Variants in MDN1 observed in about 807,000 individuals in gnomAD.
MDN1 encodes midasin AAA ATPase 1.
MDN1 carries 266 observed loss-of-function variants against 669.2 expected under a neutral mutation model. The observed-to-expected ratio is 0.40, with a 90% CI of 0.36 to 0.44. The LOEUF is 0.44. MDN1 is among the 20% of genes least tolerant of loss of function. The pLI, the probability that MDN1 is intolerant of heterozygous loss-of-function variation, is 1.00. For missense variants in MDN1, 5,940 were observed against 6,754.0 expected (o/e 0.88, Z 4.22); for synonymous variants, 2,385 against 2,457.1 (o/e 0.97, Z 0.87).
Position 89,655,800 on chromosome 6 carries a change from T to C in MDN1, c.15454A>G (p.Lys5152Glu), listed in dbSNP as rs759442541. Residue 5152 changes from lysine (K) to glutamate (E), a missense_variant, in exon 92 of 102, where the codon AAA becomes GAA. By Grantham distance (56) the Lys-to-Glu change is moderately conservative. Transcript: ENST00000369393. Reference protein sequence around the residue: ...VEDADAFEHIKQGSDAYDAQT... With the variant: ...VEDADAFEHIEQGSDAYDAQT... ...GCATCGTATGCGTCACTGCCTTGTT[T>C]AATGTGCTCGAATGCATCTGCATCC... 14 of 1,613,138 alleles carry C rather than the reference T, an allele frequency of 8.7e-6. No individual in the cohort carries two copies. The highest frequency in any genetic ancestry group is 1.2e-5 in the Non-Finnish European group (14 of 1,179,724).
intron 1 of MDN1, among the ~76,000 whole-genome samples, chr6:89,806,299 T>C (rs1768014105): frequency 6.6e-6 from 1 of 152,064 alleles, no homozygotes; most frequent in Admixed American, 6.6e-5. Flanking sequence ...CAAAGAAAAC[T>C]GGTCAGACAT....
rs767527292 is a variant in MDN1 at position 89,692,620 on chromosome 6, G to T, written c.10410C>A (p.Gly3470=). 2 of 1,614,198 alleles carry T rather than the reference G, an allele frequency of 1.2e-6. No homozygotes were observed. Among genetic ancestry groups the T allele is most frequent in the Non-Finnish European group, 1.7e-6 (2 of 1,180,026 alleles). ...CSVKSEEVLR[G]LGKLILKRSG... is the part of the protein sequence containing the mutation. ...AGCGCTTGAGGATTAGCTTCCCAAG[G>T]CCTCGTAGAACCTCCTCAGACTTCA... is the stretch of plus-strand genomic sequence containing the variant. Residue 3470 remains glycine, a synonymous_variant, in exon 63 of 102, where the codon GGC becomes GGA. Coordinates refer to ENST00000369393, the MANE Select transcript of MDN1 (RefSeq NM_014611.3).
chr6:89,657,287 G>T (rs969534101), intron 90 of MDN1, among the ~76,000 whole-genome samples: 9 of 152,202 alleles, frequency 5.9e-5, no homozygotes, highest in African/African-American at 1.2e-4. Flanking sequence ...ATTTGTGGTG[G>T]TGGTAGTCAT....
intron 10 of MDN1, 46 bp downstream of exon 10, chr6:89,781,352 CA>C (rs753221984): frequency 6.2e-3 from 7,871 of 1,273,204 alleles, no homozygotes; most frequent in South Asian, 8.2e-3. Context: ...ATCTGTCTCA[CA>C]AAAAAAAAAG....
intron 50 of MDN1, 101 bp from the exon 51 acceptor site, chr6:89,708,729 T>G (rs922810221): frequency 7.7e-7 from 1 of 1,305,462 alleles, no homozygotes; most frequent in African/African-American, 1.5e-5. Context: ...TTTGAGCACA[T>G]TGAATCATGA....
chr6:89,672,926 C>T (rs1810923225), intron 80 of MDN1, among the ~76,000 whole-genome samples: 1 of 152,128 alleles, frequency 6.6e-6, no homozygotes, highest in African/African-American at 2.4e-5. Flanking sequence ...ATAAAAATAA[C>T]AGTTAAGACA....
chr6:89,693,965 C>G lies in MDN1; in HGVS notation c.9881+109G>C. 6 of 837,124 alleles carry G rather than the reference C, an allele frequency of 7.2e-6. No individual in the cohort carries two copies. In the South Asian group the frequency reaches 9.2e-5, roughly 13 times the overall value. 51.9% of individuals were successfully genotyped at this position (837,124 alleles called of 1,614,324 possible). ...TAAACAATGCTTTGGCATCTAATTG[C>G]TAATGTAGTTTAGAGGTGTATATTA... On this transcript the variant is annotated intron_variant, in intron 62 of 101. Transcript: ENST00000369393.
chr6:89,708,509 A>C lies in MDN1; in HGVS notation c.7885T>G (p.Ser2629Ala). The part of the protein sequence containing the change: ...QPDQLFALLE[S>A]AANKTIIYLD... ...GGTTTCACTTACTTGTTTGCAGCTG[A>C]TTCTAAAAGGGCAAAGAGCTGGTCA... Residue 2629 changes from serine (S) to alanine (A), a missense_variant, in exon 51 of 102, where the codon TCA becomes GCA. By Grantham distance (99) the Ser-to-Ala change is moderately conservative. This residue lies in a region of MDN1 where 2,292 missense variants were observed against 2,638.3 expected (regional missense o/e 0.87). Coordinates refer to ENST00000369393, the MANE Select transcript of MDN1 (RefSeq NM_014611.3). 1 of 1,613,980 alleles carries C rather than the reference A, an allele frequency of 6.2e-7. No individual in the cohort carries two copies. Among genetic ancestry groups the C allele is most frequent in the East Asian group, 2.2e-5 (1 of 44,876 alleles).
chr6:89,800,058 G>C (rs968973677), intron 2 of MDN1, among the ~76,000 whole-genome samples: 2 of 151,984 alleles, frequency 1.3e-5, no homozygotes, highest in Non-Finnish European at 2.9e-5. Flanking sequence ...GGGGATAAAG[G>C]TTAAGATGAT....
chr6:89,781,784 A>AG (rs34339951), intron 9 of MDN1, among the ~76,000 whole-genome samples, 192 bp from the exon 10 acceptor site: 130,037 of 152,030 alleles, frequency 0.86, 55,794 homozygotes, highest in African/African-American at 0.91. Context: ...TGAATTCAGG[A>AG]TTTGAGATCA....
Position 89,712,137 on chromosome 6 carries a change from A to T in MDN1, c.7550T>A (p.Val2517Asp). ...TTCTATGAGCAATTTAACAGCCATG[A>T]CCAAAACATCTGGTTCATCGATCCA... is the stretch of plus-strand genomic sequence containing the variant. ...TYWIDEPDVL[V>D]MAVKLLIERA... The change falls in exon 49 of 102, where the codon GTC (valine) becomes GAC (aspartate). Residue 2517 changes from valine to aspartate, a missense_variant. Physicochemically the swap from Val to Asp is radical, Grantham distance 152. Coordinates refer to ENST00000369393, the MANE Select transcript of MDN1 (RefSeq NM_014611.3). 5 of 1,614,176 alleles carry T rather than the reference A, an allele frequency of 3.1e-6. No individual in the cohort carries two copies. The highest frequency in any genetic ancestry group is 4.2e-6 in the Non-Finnish European group (5 of 1,180,020).
intron 38 of MDN1, 110 bp from the exon 39 acceptor site, chr6:89,723,729 A>C (rs1815000742): frequency 2.0e-6 from 1 of 506,972 alleles, no homozygotes. Context: ...GTAACAATAC[A>C]TGAGAAATAT....
At chr6:89,691,111 T>C (rs1812351365) in intron 63 of MDN1, among the ~76,000 whole-genome samples, 1 of 152,184 alleles carries the variant, frequency 6.6e-6, no homozygotes, top group South Asian at 2.1e-4. Context: ...GGGAACTTCC[T>C]GTCAAGAGGT....
chr6:89,743,313 G>A, intron 30 of MDN1, 33 bp from the exon 31 acceptor site: 2 of 1,613,228 alleles, frequency 1.2e-6, no homozygotes, highest in Non-Finnish European at 1.7e-6. Flanking sequence ...AAATTAAAGG[G>A]CAGGTGGCTC....
chr6:89,749,456 G>A, intron 25 of MDN1, 87 bp from the exon 26 acceptor site: 1 of 1,592,538 alleles, frequency 6.3e-7, no homozygotes, highest in Non-Finnish European at 8.6e-7. Context: ...AATATTAAAG[G>A]AGAAGTAAAA....
chr6:89,811,980 A>G (rs1768446867), intron 1 of MDN1, among the ~76,000 whole-genome samples: 1 of 151,928 alleles, frequency 6.6e-6, no homozygotes, highest in Non-Finnish European at 1.5e-5. Flanking sequence ...TAACAAATAC[A>G]AGAAAAAACT....
At chr6:89,776,765 C>T in intron 11 of MDN1, 70 bp from the exon 12 acceptor site, 1 of 1,136,130 alleles carries the variant, frequency 8.8e-7, no homozygotes, top group Non-Finnish European at 1.2e-6. Context: ...ACATCATTTT[C>T]CTGGCCACAA....
intron 15 of MDN1, among the ~76,000 whole-genome samples, chr6:89,762,969 T>C (rs1817630501): frequency 6.6e-6 from 1 of 152,106 alleles, no homozygotes; most frequent in Non-Finnish European, 1.5e-5. Context: ...GGTGGGAGGC[T>C]TGAGCCCAGG....
chr6:89,703,263 T>C (rs1813281143), intron 53 of MDN1, among the ~76,000 whole-genome samples: 1 of 151,252 alleles, frequency 6.6e-6, no homozygotes, highest in Admixed American at 6.6e-5. Context: ...TATATAAACA[T>C]CTAATTCTTC....
Sources: allele counts gnomAD v4.1 joint callset (sites outside exome capture counted in the v4.1 genomes callset), GRCh38; gene constraint gnomAD v4.1.1; regional missense constraint gnomAD v4.1.1; transcripts MANE v1.5; gene names NCBI Gene and HGNC (gene_info 2026-07-23, HGNC 2026-07-21).